The following SYNPO2 variants were observed in gnomAD, a reference collection of about 807,000 sequenced individuals.
The protein encoded by SYNPO2 is synaptopodin 2.
Under a neutral mutation model 85.0 loss-of-function variants are expected in SYNPO2, and 56 were observed. The observed-to-expected ratio is 0.66, with a 90% CI of 0.53 to 0.82. The LOEUF is 0.82. SYNPO2 is among the 40% of genes least tolerant of loss of function. SYNPO2 has a pLI of 0.00. For synonymous variants in SYNPO2, 602 were observed against 591.1 expected (o/e 1.02, Z -0.27); for missense variants, 1,575 against 1,534.2 (o/e 1.03, Z -0.44).
At chr4:118,875,123 C>T (rs1318812178) in intron 1 of SYNPO2, among the ~76,000 whole-genome samples, 1 of 152,182 alleles carries the variant, frequency 6.6e-6, no homozygotes, top group Non-Finnish European at 1.5e-5. Context: ...GTTTTCTGTT[C>T]CTGTGTTAGT....
At chr4:119,012,561 C>T (rs1301247642) in intron 1 of SYNPO2, among the ~76,000 whole-genome samples, 1 of 151,900 alleles carries the variant, frequency 6.6e-6, no homozygotes, top group African/African-American at 2.4e-5. Context: ...CCACTTGACT[C>T]CAACAGGTTC....
intron 1 of SYNPO2, among the ~76,000 whole-genome samples, chr4:118,995,862 T>TTATCTATCTATCTATTTATCTTATC (rs1553944806): frequency 5.4e-5 from 8 of 148,422 alleles, no homozygotes; most frequent in African/African-American, 2.0e-4. Flanking sequence ...TCTATTTATC[T>TTATCTATCTATCTATTTATCTTATC]TATCTATCTA....
At chr4:118,961,394 C>T (rs1405896093) in intron 1 of SYNPO2, among the ~76,000 whole-genome samples, 1 of 152,104 alleles carries the variant, frequency 6.6e-6, no homozygotes, top group African/African-American at 2.4e-5. Flanking sequence ...TTATTTCATT[C>T]TTCAGACATG....
intron 1 of SYNPO2, among the ~76,000 whole-genome samples, chr4:118,930,474 A>C (rs1733887413): frequency 6.6e-6 from 1 of 152,188 alleles, no homozygotes; most frequent in Non-Finnish European, 1.5e-5. Context: ...CTTTTTTATG[A>C]GAACACAAGC....
intron 4 of SYNPO2, among the ~76,000 whole-genome samples, chr4:119,048,035 T>C (rs1205063909): frequency 1.3e-5 from 2 of 152,254 alleles, no homozygotes; most frequent in African/African-American, 4.8e-5. Flanking sequence ...CTAAGACTTT[T>C]CTCAATTGTG....
In SYNPO2 at chr4:119,026,751, T is replaced by C. The variant is rs1290922742; in HGVS notation, c.382T>C (p.Cys128Arg). Residue 128 changes from cysteine to arginine, a missense_variant, in exon 3 of 5, where the codon TGC (cysteine) becomes CGC (arginine). Transcript: ENST00000307142. ...LQIRPATKTQ[C>R]TEFFLAPVKT... The stretch of plus-strand genomic sequence containing the variant: ...GATTCGACCGGCCACAAAGACCCAG[T>C]GCACAGAATTCTTCCTCGCCCCTGT... 6.2e-7 allele frequency: 1 copy of C among 1,614,026 alleles called. No individual in the cohort carries two copies. Among genetic ancestry groups the C allele is most frequent in the Non-Finnish European group, 8.5e-7 (1 of 1,180,026 alleles).
At chr4:118,990,605 TTTTG>T (rs59494491) in intron 1 of SYNPO2, among the ~76,000 whole-genome samples, 2 of 151,876 alleles carry the variant, frequency 1.3e-5, no homozygotes, top group African/African-American at 4.8e-5. Context: ...GATAATTGGT[TTTTG>T]TTTGTTTGTT....
chr4:118,956,236 T>C (rs1432477812), intron 1 of SYNPO2, among the ~76,000 whole-genome samples: 2 of 152,138 alleles, frequency 1.3e-5, no homozygotes, highest in Non-Finnish European at 2.9e-5. Flanking sequence ...CCTTAGGTAA[T>C]GTCCATGTGT....
chr4:119,036,068 C>G, intron 4 of SYNPO2: 1 of 985,360 alleles, frequency 1.0e-6, no homozygotes, highest in African/African-American at 1.7e-5. Flanking sequence ...TCATTTCATC[C>G]AGTTATAAAC....
chr4:119,014,726 T>G (rs1737462144), intron 1 of SYNPO2, among the ~76,000 whole-genome samples: 1 of 152,200 alleles, frequency 6.6e-6, no homozygotes, highest in African/African-American at 2.4e-5. Context: ...TAAACACCGA[T>G]GATGGCCTAA....
At chr4:118,875,682 G>T (rs1731892290) in intron 1 of SYNPO2, among the ~76,000 whole-genome samples, 1 of 152,134 alleles carries the variant, frequency 6.6e-6, no homozygotes, top group Non-Finnish European at 1.5e-5. Flanking sequence ...TTGATGATTA[G>T]AAGCGTTTTC....
intron 1 of SYNPO2, among the ~76,000 whole-genome samples, chr4:118,909,577 C>T (rs1733064083): frequency 6.6e-6 from 1 of 152,174 alleles, no homozygotes. Context: ...GGTGTTTTCC[C>T]ACTCTTTTTT....
intron 1 of SYNPO2, among the ~76,000 whole-genome samples, chr4:118,879,159 T>G (rs1020144517): frequency 1.3e-5 from 2 of 152,122 alleles, no homozygotes; most frequent in East Asian, 1.9e-4. Context: ...TCTGAACATC[T>G]GAAGGAACAA....
intron 1 of SYNPO2, among the ~76,000 whole-genome samples, chr4:118,855,235 T>G (rs1406807315): frequency 6.6e-6 from 1 of 152,156 alleles, no homozygotes; most frequent in Non-Finnish European, 1.5e-5. Context: ...AAGAATCTTT[T>G]GATAAATCTT....
chr4:118,853,314 C>A (rs770119845), intron 1 of SYNPO2, among the ~76,000 whole-genome samples: 1 of 152,114 alleles, frequency 6.6e-6, no homozygotes, highest in African/African-American at 2.4e-5. Context: ...TTCATTATGA[C>A]CCAGTTTGCC....
intron 1 of SYNPO2, among the ~76,000 whole-genome samples, chr4:118,858,465 A>G (rs115797971): frequency 0.041 from 6,272 of 152,236 alleles, 198 homozygotes; most frequent in Non-Finnish European, 0.064. Flanking sequence ...TTGGTGGCAG[A>G]TTTTATGTGT....
intron 1 of SYNPO2, among the ~76,000 whole-genome samples, chr4:118,976,953 G>C (rs181453050): frequency 1.3e-5 from 2 of 152,346 alleles, no homozygotes; most frequent in South Asian, 2.1e-4. Context: ...GACTCTCCAC[G>C]TCCCCACCAG....
chr4:118,912,204 A>G (rs1733161261), intron 1 of SYNPO2, among the ~76,000 whole-genome samples: 1 of 152,352 alleles, frequency 6.6e-6, no homozygotes, highest in Admixed American at 6.5e-5. Flanking sequence ...TGTCAGAGGC[A>G]GGATCTCACT....
intron 4 of SYNPO2, chr4:119,033,378 T>G (rs13837): frequency 0.84 from 832,316 of 985,166 alleles, 353,399 homozygotes; most frequent in Non-Finnish European, 0.86. Context: ...TTGTAAACTT[T>G]AATTGGCCAC....
Sources: allele counts gnomAD v4.1 joint callset (sites outside exome capture counted in the v4.1 genomes callset), GRCh38; gene constraint gnomAD v4.1.1; transcripts MANE v1.5; gene names NCBI Gene and HGNC (gene_info 2026-07-23, HGNC 2026-07-21).